The following NBPF26 variants were observed in gnomAD, a reference collection of about 807,000 sequenced individuals.
NBPF26 encodes the protein NBPF family member NBPF26.
Under a neutral mutation model 119.6 loss-of-function variants are expected in NBPF26, and 79 were observed. The ratio of observed to expected loss-of-function variants is 0.66; its 90% CI spans 0.55 to 0.80. The LOEUF is 0.80. NBPF26 is among the 30% of genes least tolerant of loss of function. The probability of loss-of-function intolerance (pLI) is 0.00; values close to 1 mark genes in which losing one functional copy is unlikely to be tolerated. For missense variants in NBPF26, 800 were observed against 1,198.2 expected, an observed-to-expected ratio of 0.67 and a Z score of 4.91; for synonymous variants, 299 against 457.7, an observed-to-expected ratio of 0.65 and a Z score of 4.43.
At chr1:120,812,928 A>AATAATAATC (rs1651905761) in intron 10 of NBPF26, among the ~76,000 whole-genome samples, 1 of 11,848 alleles carries the variant, frequency 8.4e-5, no homozygotes, top group African/African-American at 7.4e-4. Context: ...TAAAAATAAT[A>AATAATAATC]ATAATAATAA....
At chr1:120,820,700 TA>T (rs1458335464) in intron 15 of NBPF26, among the ~76,000 whole-genome samples, 177 of 776 alleles carry the variant, frequency 0.23, 3 homozygotes, top group East Asian at 0.35. Flanking sequence ...ATCTGACAAT[TA>T]CGTGTTTTGG....
chr1:120,838,490 T>G (rs1652446601), intron 27 of NBPF26, among the ~76,000 whole-genome samples: 3 of 55,534 alleles, frequency 5.4e-5, no homozygotes, highest in East Asian at 1.4e-3. Flanking sequence ...ACTGAGCTCG[T>G]TCTCTCTCTC....
At chr1:120,752,571 T>C (rs1651035325) in intron 1 of NBPF26, among the ~76,000 whole-genome samples, 1 of 36,350 alleles carries the variant, frequency 2.8e-5, no homozygotes. Context: ...TTTTTTTTTT[T>C]TTTCTTTTTT....
rs1344816875 is a variant in NBPF26 at position 120,737,802 on chromosome 1, T to C, written c.73+13552T>C. 6.7e-5 allele frequency among the ~76,000 whole-genome samples: 8 copies of C among 120,106 alleles called. 2 individuals are homozygous for C. In the South Asian group the frequency reaches 1.2e-3, roughly 19 times the overall value. 78.8% of individuals were successfully genotyped at this position (120,106 alleles called of 152,430 possible). A position where few individuals can be genotyped will look rare whatever the true frequency, so the allele number is the denominator to read the frequency against. On this transcript the variant is annotated intron_variant, in intron 1 of 29. Coordinates refer to ENST00000620612, the Ensembl canonical transcript of NBPF26. ...AGAAAAGGGCTTTATATTTTAACATTTGTTTCCCTTGACAGTTTGCTTCTT... is the reference window on the plus strand; with the variant it reads ...AGAAAAGGGCTTTATATTTTAACATCTGTTTCCCTTGACAGTTTGCTTCTT...
chr1:120,832,553 C>CAGTT (rs1652363275), intron 22 of NBPF26, among the ~76,000 whole-genome samples: 1 of 113,542 alleles, frequency 8.8e-6, no homozygotes, highest in Non-Finnish European at 1.7e-5. Context: ...CTAAATATTG[C>CAGTT]AGTTTTTCTC....
chr1:120,810,317 C>T, intron 8 of NBPF26, 30 bp from the exon 9 acceptor site: 2 of 1,576,398 alleles, frequency 1.3e-6, no homozygotes, highest in Non-Finnish European at 1.7e-6. Context: ...GTTTAATCTT[C>T]TGTCATCTCT....
At chr1:120,781,659 G>T (rs1483782445) in intron 2 of NBPF26, among the ~76,000 whole-genome samples, 2 of 69,990 alleles carry the variant, frequency 2.9e-5, no homozygotes, top group Non-Finnish European at 5.0e-5. Context: ...CAACTTCTGG[G>T]TTCATGCCAT....
chr1:120,823,998 GA>G lies in NBPF26; in HGVS notation c.2667del (p.Pro891LeufsTer21). The G allele has an allele frequency of 1.2e-6, 1 of 846,630 alleles. No homozygotes were observed. Among genetic ancestry groups the G allele is most frequent in the Non-Finnish European group, 1.8e-6 (1 of 563,450 alleles). 52.4% of individuals were successfully genotyped at this position (846,630 alleles called of 1,614,324 possible). A position where few individuals can be genotyped will look rare whatever the true frequency, so the allele number is the denominator to read the frequency against. ...GGCTCAGCAGAGAGCTGCTGGATGA[GA>G]AAGGGCCTGAAGTCTTGCAGGACTC... is the stretch of plus-strand genomic sequence containing the variant. On this transcript the variant is annotated frameshift_variant, in exon 18 of 30. Coordinates refer to ENST00000620612, the Ensembl canonical transcript of NBPF26. LOFTEE classifies it high-confidence loss of function.
At chr1:120,840,817 G>A, downstream of NBPF26, 2 of 547,024 alleles carry the variant, frequency 3.7e-6, 1 homozygote. Flanking sequence ...TGCAGCACAT[G>A]CCGGGAGTGA....
At chr1:120,815,289 A>T (rs1553271629) in intron 12 of NBPF26, among the ~76,000 whole-genome samples, 1 of 116,578 alleles carries the variant, frequency 8.6e-6, no homozygotes, top group Non-Finnish European at 1.6e-5. Flanking sequence ...GGCAGCATCT[A>T]TCTAGTTTTA....
rs1435225245 is a variant in NBPF26, at chr1:120,812,698, G to A, written c.1774+603G>A. The stretch of plus-strand genomic sequence containing the variant: ...CCAGCACTTTGGGAGGCTGAGGCGG[G>A]CAGATCATGAGGTCAGGAGTTTGAG... On this transcript the variant is annotated intron_variant, in intron 10 of 29. Coordinates refer to ENST00000620612, the Ensembl canonical transcript of NBPF26. Among the ~76,000 whole-genome samples, 6 of 72,264 alleles carry A rather than the reference G, an allele frequency of 8.3e-5. No individual in the cohort carries two copies. In the East Asian group the frequency reaches 1.2e-3, roughly 14 times the overall value. The allele number at this position is 72,264 out of a possible 152,430, so 47.4% of individuals were successfully genotyped here.
intron 10 of NBPF26, among the ~76,000 whole-genome samples, 194 bp downstream of exon 10, chr1:120,812,289 C>T (rs1190158200): frequency 2.2e-5 from 2 of 89,486 alleles, no homozygotes; most frequent in Non-Finnish European, 4.1e-5. Context: ...TCCATGTTTG[C>T]AATCAGGTGG....
At chr1:120,842,190 G>A (rs1352877381), downstream of NBPF26, among the ~76,000 whole-genome samples, 27 of 108,452 alleles carry the variant, frequency 2.5e-4, 4 homozygotes, top group African/African-American at 1.3e-3. Flanking sequence ...GTACTGATGC[G>A]AATTAATAAA....
intron 1 of NBPF26, among the ~76,000 whole-genome samples, chr1:120,727,011 A>G (rs1650822075): frequency 8.9e-6 from 1 of 112,984 alleles, no homozygotes; most frequent in South Asian, 2.6e-4. Flanking sequence ...GCAGCCTTAC[A>G]ATACATCTTA....
Position 120,823,934 on chromosome 1 carries a change from T to A in NBPF26, c.2640-40T>A. 2 of 524,982 alleles carry A rather than the reference T, an allele frequency of 3.8e-6. 1 individual carries two copies. The highest frequency in any genetic ancestry group is 6.8e-6 in the Non-Finnish European group (2 of 293,780). The allele number at this position is 524,982 out of a possible 1,614,324, so 32.5% of individuals were successfully genotyped here. ...CTAGCTGGGGCTGTGTGGTTTCTGA[T>A]TCCCCCTGGCTTATTCTTTACTTTT... On this transcript the variant is annotated intron_variant, in intron 17 of 29. Coordinates refer to ENST00000620612, the Ensembl canonical transcript of NBPF26.
rs1283420080 is a variant in NBPF26 at position 120,810,009 on chromosome 1, C to G, written c.1352+126C>G. The G allele has an allele frequency of 7.5e-3, 10,128 of 1,344,888 alleles. 54 individuals carry two copies. The African/African-American group carries it at 0.084, about 11-fold the overall frequency. The allele number at this position is 1,344,888 out of a possible 1,614,324, so 83.3% of individuals were successfully genotyped here. On this transcript the variant is annotated intron_variant, in intron 8 of 29. Transcript: ENST00000620612. ...CCCCTTGGCCACAGTATGTGAAATT[C>G]AACCCAGCTTAGACACAGGGTGCGG...
rs1377228641 is a variant in NBPF26 at position 120,727,385 on chromosome 1, C to T, written c.73+3135C>T. ...TAACCTTAGTCATTCCAGTGTTTAA[C>T]GCTTCTGACTCAAGAATTTTAAAAT... On this transcript the variant is annotated intron_variant, in intron 1 of 29. Coordinates refer to ENST00000620612, the Ensembl canonical transcript of NBPF26. 2.6e-5 allele frequency among the ~76,000 whole-genome samples: 3 copies of T among 115,506 alleles called. 1 individual carries two copies. Among genetic ancestry groups the T allele is most frequent in the East Asian group, 2.1e-4 (1 of 4,714 alleles). The allele number at this position is 115,506 out of a possible 152,430, so 75.8% of individuals were successfully genotyped here. A position where few individuals can be genotyped will look rare whatever the true frequency, so the allele number is the denominator to read the frequency against.
At chr1:120,743,834 G>A (rs1381779928) in intron 1 of NBPF26, among the ~76,000 whole-genome samples, 1 of 126,544 alleles carries the variant, frequency 7.9e-6, no homozygotes, top group African/African-American at 3.4e-5. Context: ...AATAGGTTTT[G>A]CATTTTTTTA....
At chr1:120,778,442 CAT>C (rs1651323796) in intron 2 of NBPF26, among the ~76,000 whole-genome samples, 1 of 111,964 alleles carries the variant, frequency 8.9e-6, no homozygotes, top group African/African-American at 5.6e-5. Flanking sequence ...ACGCAACCCA[CAT>C]GAGACTTTTT....
Sources: allele counts gnomAD v4.1 joint callset (sites outside exome capture counted in the v4.1 genomes callset), GRCh38; gene constraint gnomAD v4.1.1; transcripts MANE v1.5; gene names NCBI Gene and HGNC (gene_info 2026-07-23, HGNC 2026-07-21).